TEX36: variants seen among roughly 807,000 people sequenced by gnomAD.
TEX36 encodes testis-expressed protein 36.
Under a neutral mutation model 13.6 loss-of-function variants are expected in TEX36, and 12 were observed. The ratio of observed to expected loss-of-function variants is 0.88; its 90% CI spans 0.56 to 1.43. The LOEUF is 1.43. Among genes scored for constraint, TEX36 ranks in the 40% most tolerant of loss-of-function variants. The pLI, the probability that TEX36 is intolerant of heterozygous loss-of-function variation, is 0.00. For missense variants in TEX36, 224 were observed against 228.3 expected (o/e 0.98, Z 0.12); for synonymous variants, 93 against 83.0 (o/e 1.12, Z -0.65).
chr10:125,576,854 G>T, exon 4 of TEX36: 8 of 1,536,146 alleles, frequency 5.2e-6, no homozygotes, highest in Non-Finnish European at 7.0e-6. Flanking sequence ...CTCCCTGTGG[G>T]TCCGTTGCTG....
chr10:125,631,561 G>A (rs2133567688), intron 3 of TEX36, among the ~76,000 whole-genome samples: 1 of 152,318 alleles, frequency 6.6e-6, no homozygotes, highest in Admixed American at 6.5e-5. Flanking sequence ...GGTTTGGAGG[G>A]ATTTAATAAA....
chr10:125,628,064 T>TA (rs528621762), intron 3 of TEX36, among the ~76,000 whole-genome samples: 1 of 152,188 alleles, frequency 6.6e-6, no homozygotes, highest in Non-Finnish European at 1.5e-5. Flanking sequence ...ATTGGTGCCT[T>TA]AAAAAAACTA....
intron 3 of TEX36, among the ~76,000 whole-genome samples, chr10:125,626,451 A>G (rs2133564089): frequency 6.6e-6 from 1 of 152,316 alleles, no homozygotes; most frequent in East Asian, 1.9e-4. Context: ...CATGCATGTT[A>G]TCTCATTTCC....
intron 1 of TEX36, chr10:125,667,609 G>A: frequency 1.4e-6 from 1 of 726,486 alleles, no homozygotes; most frequent in Non-Finnish European, 2.6e-6. Context: ...CTGCAAGGGA[G>A]ACCACGCCCT....
rs113185928 is a variant in TEX36, at chr10:125,595,488, T to A, written c.265-18614A>T. Among the ~76,000 whole-genome samples the A allele has an allele frequency of 8.4e-3, 1,282 of 152,292 alleles. 17 individuals are homozygous for A. Among genetic ancestry groups the A allele is most frequent in the African/African-American group, 0.029 (1,208 of 41,542 alleles). ...TTTCTCCTCTTTGGGGCCCAGGGGA[T>A]CTATTTAAAGTATAAGTCAGATACA... On this transcript the variant is annotated intron_variant, in intron 3 of 3. Transcript: ENST00000532135.
chr10:125,667,675 A>G (rs1847145797), intron 1 of TEX36: 2 of 724,796 alleles, frequency 2.8e-6, no homozygotes, highest in Non-Finnish European at 5.1e-6. Flanking sequence ...GGGGGAAAGG[A>G]CGCCCATCAT....
intron 3 of TEX36, among the ~76,000 whole-genome samples, chr10:125,633,265 G>A (rs888432242): frequency 6.6e-6 from 1 of 152,144 alleles, no homozygotes; most frequent in Non-Finnish European, 1.5e-5. Context: ...ATGATTTTTT[G>A]TTAATGGTGG....
Position 125,635,560 on chromosome 10 carries a change from G to A in TEX36, c.265-13915C>T, listed in dbSNP as rs1846612994. Among the ~76,000 whole-genome samples, 6 of 152,286 alleles carry A rather than the reference G, an allele frequency of 3.9e-5. No homozygotes were observed. In the South Asian group the frequency reaches 1.2e-3, roughly 32 times the overall value. On this transcript the variant is annotated intron_variant, in intron 3 of 3. Coordinates refer to the TEX36 transcript ENST00000526819. ...CCTGCAACAGTGCTCTGCATACAAG[G>A]CAGGGCATCTCGTGCTGGGGTGCGA...
At chr10:125,593,778 G>A (rs755477191) in intron 3 of TEX36, among the ~76,000 whole-genome samples, 41 of 152,316 alleles carry the variant, frequency 2.7e-4, no homozygotes, top group Middle Eastern at 6.8e-3. Context: ...CAGGGAATTC[G>A]TGTTTGATGG....
intron 3 of TEX36, among the ~76,000 whole-genome samples, chr10:125,584,906 G>T (rs1049501763): frequency 1.3e-5 from 2 of 152,196 alleles, no homozygotes; most frequent in Non-Finnish European, 2.9e-5. Flanking sequence ...TTGAACATCT[G>T]CTGTTTCATG....
chr10:125,662,202 C>A (rs950746329), intron 1 of TEX36, among the ~76,000 whole-genome samples: 2 of 152,216 alleles, frequency 1.3e-5, no homozygotes, highest in African/African-American at 4.8e-5. Flanking sequence ...GAGGCCACCC[C>A]TGCTGAGCTG....
intron 3 of TEX36, among the ~76,000 whole-genome samples, chr10:125,598,864 A>T (rs1565170709): frequency 6.6e-6 from 1 of 152,156 alleles, no homozygotes; most frequent in Non-Finnish European, 1.5e-5. Flanking sequence ...ATTCCATACC[A>T]TTGTTGGAAC....
chr10:125,649,661 GTAAATGGGC>G (rs1467803717), intron 3 of TEX36, among the ~76,000 whole-genome samples: 2 of 152,198 alleles, frequency 1.3e-5, no homozygotes, highest in African/African-American at 2.4e-5. Flanking sequence ...AACTTTAAAT[GTAAATGGGC>G]TAAATGCTCC....
At chr10:125,615,879 T>C (rs1166813656) in intron 3 of TEX36, among the ~76,000 whole-genome samples, 2 of 152,246 alleles carry the variant, frequency 1.3e-5, no homozygotes, top group Non-Finnish European at 2.9e-5. Flanking sequence ...CCCTGGTACC[T>C]CTGCTAGAAT....
chr10:125,656,230 T>C lies in TEX36; in HGVS notation c.265-34A>G, dbSNP rs1343388731. The C allele has an allele frequency of 4.5e-6, 5 of 1,109,730 alleles. No individual in the cohort carries two copies. In the African/African-American group the frequency reaches 6.8e-5, roughly 15 times the overall value. 68.7% of individuals were successfully genotyped at this position (1,109,730 alleles called of 1,614,324 possible). On this transcript the variant is annotated intron_variant, in intron 3 of 3. Transcript: ENST00000368821. The stretch of plus-strand genomic sequence containing the variant: ...AAGAATTACAAGATTCGAAGGAAAA[T>C]ATTCAAGTTCACATAGTTCTTTTTT...
At chr10:125,616,543 C>G (rs1846361553) in intron 3 of TEX36, among the ~76,000 whole-genome samples, 1 of 100,986 alleles carries the variant, frequency 9.9e-6, no homozygotes, top group Non-Finnish European at 2.0e-5. Context: ...TCGTTATGTA[C>G]CCAGTAGTCA....
At chr10:125,615,282 C>T (rs1846342149) in intron 3 of TEX36, among the ~76,000 whole-genome samples, 1 of 152,016 alleles carries the variant, frequency 6.6e-6, no homozygotes, top group African/African-American at 2.4e-5. Flanking sequence ...ATTTCCTTCT[C>T]CTGCCTAATT....
At chr10:125,671,855 T>C (rs1222822090) in intron 1 of TEX36, among the ~76,000 whole-genome samples, 1 of 152,198 alleles carries the variant, frequency 6.6e-6, no homozygotes, top group Non-Finnish European at 1.5e-5. Context: ...TGATTTAGTG[T>C]TGGGAGAATG....
chr10:125,614,580 T>G (rs1846333528), intron 3 of TEX36, among the ~76,000 whole-genome samples: 1 of 152,212 alleles, frequency 6.6e-6, no homozygotes, highest in African/African-American at 2.4e-5. Context: ...TTGTCAAAGA[T>G]CAGATAGTTG....
Sources: allele counts gnomAD v4.1 joint callset (sites outside exome capture counted in the v4.1 genomes callset), GRCh38; gene constraint gnomAD v4.1.1; transcripts MANE v1.5; gene names NCBI Gene and HGNC (gene_info 2026-07-23, HGNC 2026-07-21).